PLPP1: variants seen among roughly 807,000 people sequenced by gnomAD.
PLPP1 encodes the protein lipid phosphate phosphohydrolase 1a.
In PLPP1, 24 loss-of-function variants were observed where a neutral mutation model predicts 31.2. That is an observed-to-expected ratio of 0.77 (90% CI 0.56 to 1.08). The LOEUF is 1.08. Ranked by LOEUF, PLPP1 falls within the 50% of genes least tolerant of loss-of-function variation. PLPP1 has a pLI of 0.00. For synonymous variants in PLPP1, 146 were observed against 126.3 expected (o/e 1.16, Z -1.05); for missense variants, 319 against 342.7 (o/e 0.93, Z 0.55).
At chr5:55,437,315 ACTT>A (rs1488731777) in intron 4 of PLPP1, among the ~76,000 whole-genome samples, 6 of 152,100 alleles carry the variant, frequency 3.9e-5, no homozygotes, top group African/African-American at 1.4e-4. Context: ...TCTTGTTAAC[ACTT>A]CTTAACTGTA....
At chr5:55,437,550 GAACTAGACTAAC>G (rs2111693825) in intron 4 of PLPP1, among the ~76,000 whole-genome samples, 2 of 150,418 alleles carry the variant, frequency 1.3e-5, no homozygotes, top group African/African-American at 4.9e-5. Context: ...ACCAACCCCA[GAACTAGACTAAC>G]AACAGCAGGC....
In PLPP1 at chr5:55,467,868, C is replaced by G; in HGVS notation, c.491+1G>C. On this transcript the variant is annotated splice_donor_variant, in intron 3 of 5. Transcript: ENST00000307259. LOFTEE classifies it high-confidence loss of function. Reference sequence around the variant, plus strand: ...ACAAGCATTAGCGATTTAACACTCACCTGCCTTCCTTAACTCTTTCTGCAT... The same window carrying G: ...ACAAGCATTAGCGATTTAACACTCAGCTGCCTTCCTTAACTCTTTCTGCAT... 6.2e-7 allele frequency: 1 copy of G among 1,607,646 alleles called. No individual in the cohort carries two copies. The highest frequency in any genetic ancestry group is 8.5e-7 in the Non-Finnish European group (1 of 1,176,214).
intron 4 of PLPP1, among the ~76,000 whole-genome samples, chr5:55,429,638 ATT>A (rs1487407096): frequency 6.6e-6 from 1 of 152,088 alleles, no homozygotes; most frequent in Non-Finnish European, 1.5e-5. Flanking sequence ...GCAGGGCACC[ATT>A]TTGAGAGCCC....
chr5:55,519,633 C>G (rs887020016), intron 1 of PLPP1, among the ~76,000 whole-genome samples: 18 of 151,754 alleles, frequency 1.2e-4, no homozygotes, highest in African/African-American at 4.4e-4. Context: ...ACCTGTAATC[C>G]CAGCTACTCA....
rs567944457 is a variant in PLPP1 at position 55,444,929 on chromosome 5, T to C, written c.492-3021A>G. 5.3e-5 allele frequency among the ~76,000 whole-genome samples: 8 copies of C among 152,250 alleles called. No homozygotes were observed. In the East Asian group the frequency reaches 1.5e-3, roughly 29 times the overall value. ...CACGCCCAGCTAATTGTTGTATTTT[T>C]AGTAGAGATGGGGTTTCGCCCTGTT... On this transcript the variant is annotated intron_variant, in intron 3 of 5. Coordinates refer to ENST00000307259, the MANE Select transcript of PLPP1 (RefSeq NM_003711.4).
intron 1 of PLPP1, chr5:55,530,736 T>G: frequency 6.4e-7 from 1 of 1,573,558 alleles, no homozygotes; most frequent in South Asian, 1.1e-5. Context: ...GGGGACAATG[T>G]GCTCCGCTTT....
intron 4 of PLPP1, among the ~76,000 whole-genome samples, chr5:55,429,901 A>T (rs1366665157): frequency 6.6e-6 from 1 of 151,958 alleles, no homozygotes; most frequent in East Asian, 1.9e-4. Context: ...CTGCCACACA[A>T]AAACACCCCT....
intron 1 of PLPP1, among the ~76,000 whole-genome samples, chr5:55,521,787 T>C (rs1328795802): frequency 6.6e-6 from 1 of 152,222 alleles, no homozygotes; most frequent in Non-Finnish European, 1.5e-5. Flanking sequence ...TCTCCAGTGG[T>C]AGGTAGGGCA....
intron 4 of PLPP1, among the ~76,000 whole-genome samples, chr5:55,436,283 CAT>C (rs1167421153): frequency 6.6e-6 from 1 of 152,102 alleles, no homozygotes; most frequent in Non-Finnish European, 1.5e-5. Flanking sequence ...TGAATTCCCA[CAT>C]GTTGTGGGAG....
chr5:55,427,879 G>A (rs1015239407), intron 4 of PLPP1, among the ~76,000 whole-genome samples: 4 of 151,916 alleles, frequency 2.6e-5, no homozygotes, highest in Non-Finnish European at 4.4e-5. Context: ...TCCGCCTCCC[G>A]GGTTCAAGCA....
At chr5:55,527,449 C>G (rs535260725) in intron 1 of PLPP1, among the ~76,000 whole-genome samples, 104 of 152,232 alleles carry the variant, frequency 6.8e-4, no homozygotes, top group African/African-American at 2.4e-3. Flanking sequence ...GAACCATAAC[C>G]CCCTCCCTCC....
At chr5:55,433,313 G>A (rs1388956209) in intron 4 of PLPP1, among the ~76,000 whole-genome samples, 2 of 149,244 alleles carry the variant, frequency 1.3e-5, no homozygotes, top group Non-Finnish European at 3.0e-5. Context: ...GTGACAGGGA[G>A]ACCCAGTCTC....
At chr5:55,506,836 G>A (rs893383724) in intron 1 of PLPP1, among the ~76,000 whole-genome samples, 2 of 152,062 alleles carry the variant, frequency 1.3e-5, no homozygotes, top group African/African-American at 4.8e-5. Context: ...GTAGTCAAAG[G>A]TTAGAAGTAA....
chr5:55,447,534 C>T (rs912774420), intron 3 of PLPP1, among the ~76,000 whole-genome samples: 11 of 152,118 alleles, frequency 7.2e-5, no homozygotes, highest in African/African-American at 2.4e-4. Flanking sequence ...CTCTCGTGCT[C>T]ACACAGAGAT....
At chr5:55,453,633 T>A (rs1448141746) in intron 3 of PLPP1, among the ~76,000 whole-genome samples, 1 of 152,202 alleles carries the variant, frequency 6.6e-6, no homozygotes, top group African/African-American at 2.4e-5. Context: ...TATCCTGTTA[T>A]AAATTTTTTA....
chr5:55,493,766 A>T (rs1292298267), intron 1 of PLPP1, among the ~76,000 whole-genome samples: 1 of 151,828 alleles, frequency 6.6e-6, no homozygotes, highest in Non-Finnish European at 1.5e-5. Flanking sequence ...TGTAGTCCCA[A>T]CTACTTGGAA....
At chr5:55,443,212 T>TATATATATATATATATATATATACAC (rs1169152710) in intron 3 of PLPP1, among the ~76,000 whole-genome samples, 18 of 104,986 alleles carry the variant, frequency 1.7e-4, no homozygotes, top group Non-Finnish European at 2.9e-4. Flanking sequence ...TATATATATA[T>TATATATATATATATATATATATACAC]ACACACACAC....
intron 1 of PLPP1, among the ~76,000 whole-genome samples, chr5:55,486,214 T>C (rs990389617): frequency 7.2e-5 from 11 of 152,206 alleles, no homozygotes; most frequent in African/African-American, 2.4e-4. Flanking sequence ...GGCAATTTTC[T>C]TCCACTGACA....
In PLPP1 at chr5:55,492,730, A is replaced by G. The variant is rs182878333; in HGVS notation, c.59-17280T>C. On this transcript the variant is annotated intron_variant, in intron 1 of 5. Transcript: ENST00000307259. ...GCTTGCACATGCTGGGAATTAGGCC[A>G]CATAGATTAACTCAATCCTTACCTC... Among the ~76,000 whole-genome samples the G allele has an allele frequency of 4.3e-3, 649 of 152,364 alleles. 1 individual carries two copies. The highest frequency in any genetic ancestry group is 0.01 in the Middle Eastern group (3 of 294).
Sources: allele counts gnomAD v4.1 joint callset (sites outside exome capture counted in the v4.1 genomes callset), GRCh38; gene constraint gnomAD v4.1.1; transcripts MANE v1.5; gene names NCBI Gene and HGNC (gene_info 2026-07-23, HGNC 2026-07-21).